Variants in AJAP1 observed in about 807,000 individuals in gnomAD.
AJAP1 encodes adherens junction-associated protein 1.
Under a neutral mutation model 35.0 loss-of-function variants are expected in AJAP1, and 5 were observed. The ratio of observed to expected loss-of-function variants is 0.14; its 90% CI spans 0.07 to 0.30. AJAP1 has a LOEUF of 0.30. Among genes scored for constraint, AJAP1 ranks in the 10% least tolerant of loss-of-function variants. The pLI, the probability that AJAP1 is intolerant of heterozygous loss-of-function variation, is 1.00. For missense variants in AJAP1, 586 were observed against 571.0 expected, an observed-to-expected ratio of 1.03 and a Z score of -0.27; for synonymous variants, 284 against 249.3, an observed-to-expected ratio of 1.14 and a Z score of -1.31.
intron 1 of AJAP1, among the ~76,000 whole-genome samples, chr1:4,686,469 T>C (rs1454265405): frequency 6.6e-6 from 1 of 152,174 alleles, no homozygotes; most frequent in Non-Finnish European, 1.5e-5. Context: ...GCTCCCAGAA[T>C]AACCCCATCT....
chr1:4,687,713 G>A (rs1639640179), intron 1 of AJAP1, among the ~76,000 whole-genome samples: 1 of 152,196 alleles, frequency 6.6e-6, no homozygotes, highest in African/African-American at 2.4e-5. Flanking sequence ...AGAAGAACGA[G>A]AGCTCCGTGC....
chr1:4,718,245 C>G (rs944998493), intron 2 of AJAP1, among the ~76,000 whole-genome samples: 2 of 152,052 alleles, frequency 1.3e-5, no homozygotes, highest in East Asian at 3.9e-4. Context: ...GTGTTCATAC[C>G]AAATGGATAA....
At chr1:4,776,302 T>C (rs1641938725) in intron 5 of AJAP1, among the ~76,000 whole-genome samples, 1 of 152,106 alleles carries the variant, frequency 6.6e-6, no homozygotes, top group African/African-American at 2.4e-5. Context: ...AGCTTTCTAA[T>C]GTTTGCACGG....
chr1:4,729,882 T>A (rs1640759200), intron 2 of AJAP1, among the ~76,000 whole-genome samples: 1 of 152,172 alleles, frequency 6.6e-6, no homozygotes, highest in Admixed American at 6.5e-5. Flanking sequence ...TCTGCAAAGA[T>A]CCTCTTCCAA....
chr1:4,765,245 G>A (rs893129145), intron 2 of AJAP1, among the ~76,000 whole-genome samples: 2 of 152,202 alleles, frequency 1.3e-5, no homozygotes, highest in Non-Finnish European at 2.9e-5. Context: ...CCTTGGAAGT[G>A]GAGAGGGAAA....
intron 2 of AJAP1, among the ~76,000 whole-genome samples, chr1:4,747,057 C>A (rs778635648): frequency 6.6e-6 from 1 of 152,340 alleles, no homozygotes; most frequent in East Asian, 1.9e-4. Context: ...CGCCACTGTC[C>A]CAGCCTCCAT....
chr1:4,677,758 T>C (rs1039503154), intron 1 of AJAP1, among the ~76,000 whole-genome samples: 3 of 151,770 alleles, frequency 2.0e-5, no homozygotes, highest in African/African-American at 7.3e-5. Context: ...AAAAAAATCA[T>C]GTGCCTATGT....
chr1:4,706,245 C>G (rs1369793201), intron 1 of AJAP1, among the ~76,000 whole-genome samples: 1 of 152,160 alleles, frequency 6.6e-6, no homozygotes. Context: ...ATGTCTGTGT[C>G]TATTCTTTCT....
Position 4,787,788 on chromosome 1 carries a change from G to A in AJAP1, c.*5303G>A. The A allele has an allele frequency of 2.2e-6, 1 of 454,268 alleles. No individual in the cohort carries two copies. The highest frequency in any genetic ancestry group is 1.6e-5 in the South Asian group (1 of 64,352). 28.1% of individuals were successfully genotyped at this position (454,268 alleles called of 1,614,324 possible). Reference sequence around the variant, plus strand: ...CAACGTCAGCGACTTGGCCCACGGGGCACGGGCACCTTGGGGATGCCATTC... The same window carrying A: ...CAACGTCAGCGACTTGGCCCACGGGACACGGGCACCTTGGGGATGCCATTC... On this transcript the variant is annotated 3_prime_UTR_variant, in exon 6 of 6. Coordinates refer to ENST00000378191, the MANE Select transcript of AJAP1 (RefSeq NM_018836.4).
chr1:4,743,380 G>A (rs751395242), intron 2 of AJAP1, among the ~76,000 whole-genome samples: 5 of 152,156 alleles, frequency 3.3e-5, no homozygotes, highest in Non-Finnish European at 5.9e-5. Flanking sequence ...AAAGGGGCTC[G>A]AGACAGTGCA....
intron 2 of AJAP1, among the ~76,000 whole-genome samples, chr1:4,742,275 C>T (rs527595963): frequency 5.9e-5 from 9 of 152,316 alleles, no homozygotes; most frequent in African/African-American, 1.9e-4. Context: ...TCCTGCGCTG[C>T]CTGATTGGAG....
Position 4,692,108 on chromosome 1 carries a change from C to T in AJAP1, c.30-19792C>T, listed in dbSNP as rs1639752831. Among the ~76,000 whole-genome samples the T allele has an allele frequency of 6.6e-6, 1 of 152,162 alleles. No homozygotes were observed. The highest frequency in any genetic ancestry group is 1.5e-5 in the Non-Finnish European group (1 of 68,030). On this transcript the variant is annotated intron_variant, in intron 1 of 5. Transcript: ENST00000378191. The surrounding 1 kb of genome is among the most constrained non-coding windows in gnomAD (Gnocchi z 4.4). ...GCAGGTGGCATGGCGCCCGGCCGGCCCTGCGTGGATCTATTATCTCTGCAT... is the reference window on the plus strand; with the variant it reads ...GCAGGTGGCATGGCGCCCGGCCGGCTCTGCGTGGATCTATTATCTCTGCAT...
Position 4,788,388 on chromosome 1 carries a change from G to A in AJAP1, c.*5903G>A, listed in dbSNP as rs150107987. On this transcript the variant is annotated 3_prime_UTR_variant, in exon 6 of 6. Coordinates refer to ENST00000378191, the MANE Select transcript of AJAP1 (RefSeq NM_018836.4). Reference sequence around the variant, plus strand: ...AACCACCCCAGCCCTCAGTCGAACAGAAAGAATGAGCGTCTTCTGATGTCA... The same window carrying A: ...AACCACCCCAGCCCTCAGTCGAACAAAAAGAATGAGCGTCTTCTGATGTCA... 5.2e-5 allele frequency: 8 copies of A among 152,410 alleles called. No homozygotes were observed. Among genetic ancestry groups the A allele is most frequent in the African/African-American group, 1.9e-4 (8 of 41,576 alleles). The allele number at this position is 152,410 out of a possible 1,614,324, so 9.4% of individuals were successfully genotyped here. A position where few individuals can be genotyped will look rare whatever the true frequency, so the allele number is the denominator to read the frequency against.
Position 4,769,900 on chromosome 1 carries a change from G to T in AJAP1, c.877G>T (p.Val293Phe). ...CACCATCACCGTCTCCCTCATCATG[G>T]TCATAGCTGCTCTCATCACAACTCT... ...IITITVSLIM[V>F]IAALITTLVL... is the part of the protein sequence containing the mutation. Residue 293 changes from valine (V) to phenylalanine (F), a missense_variant, in exon 3 of 6, where the codon GTC (valine) becomes TTC (phenylalanine). Physicochemically the swap from Val to Phe is conservative, Grantham distance 50. Transcript: ENST00000378191. The T allele has an allele frequency of 6.2e-7, 1 of 1,614,122 alleles. No individual in the cohort carries two copies. The highest frequency in any genetic ancestry group is 8.5e-7 in the Non-Finnish European group (1 of 1,180,014).
intron 1 of AJAP1, among the ~76,000 whole-genome samples, chr1:4,676,494 CTTCTCAG>C (rs1359669578): frequency 1.3e-5 from 2 of 152,184 alleles, no homozygotes. Flanking sequence ...TGCATTACCC[CTTCTCAG>C]AAACAGTGAA....
At chr1:4,725,413 C>T (rs1336978560) in intron 2 of AJAP1, among the ~76,000 whole-genome samples, 2 of 152,152 alleles carry the variant, frequency 1.3e-5, no homozygotes, top group South Asian at 2.1e-4. Context: ...GCAGGGCTGT[C>T]GTCATGGTCC....
intron 1 of AJAP1, among the ~76,000 whole-genome samples, chr1:4,677,593 A>G (rs1639389829): frequency 8.5e-6 from 1 of 117,494 alleles, no homozygotes; most frequent in South Asian, 2.8e-4. Flanking sequence ...GAAGGATTAA[A>G]AAAAAATTTA....
chr1:4,670,515 G>A (rs954213233), intron 1 of AJAP1, among the ~76,000 whole-genome samples: 4 of 152,140 alleles, frequency 2.6e-5, no homozygotes, highest in African/African-American at 7.2e-5. Context: ...ACCCATGTAC[G>A]GTGAACTGGG....
intron 2 of AJAP1, among the ~76,000 whole-genome samples, chr1:4,764,216 C>T (rs184660763): frequency 5.9e-5 from 9 of 152,300 alleles, no homozygotes; most frequent in South Asian, 2.1e-4. Flanking sequence ...AGAACCCTGA[C>T]GAATACATTC....
Sources: allele counts gnomAD v4.1 joint callset (sites outside exome capture counted in the v4.1 genomes callset), GRCh38; gene constraint gnomAD v4.1.1; non-coding constraint Gnocchi (gnomAD v3.1); transcripts MANE v1.5; gene names NCBI Gene and HGNC (gene_info 2026-07-23, HGNC 2026-07-21).